ITFG1: variants seen among roughly 807,000 people sequenced by gnomAD.
ITFG1 encodes T-cell immunomodulatory protein.
Under a neutral mutation model 81.8 loss-of-function variants are expected in ITFG1, and 34 were observed. The ratio of observed to expected loss-of-function variants is 0.42; its 90% CI spans 0.32 to 0.55. The LOEUF is 0.55. Among genes scored for constraint, ITFG1 ranks in the 20% least tolerant of loss-of-function variants. The probability of loss-of-function intolerance (pLI) is 0.17; values close to 1 mark genes in which losing one functional copy is unlikely to be tolerated. For missense variants in ITFG1, 672 were observed against 755.4 expected (o/e 0.89, Z 1.29); for synonymous variants, 285 against 270.6 (o/e 1.05, Z -0.52).
At chr16:47,385,051 G>C (rs991421624) in intron 6 of ITFG1, among the ~76,000 whole-genome samples, 84 of 152,250 alleles carry the variant, frequency 5.5e-4, no homozygotes, top group African/African-American at 2.0e-3. Context: ...GGACGAATTT[G>C]AGGAGGGCTT....
chr16:47,349,288 C>A (rs1161560450), intron 8 of ITFG1, among the ~76,000 whole-genome samples: 3 of 152,104 alleles, frequency 2.0e-5, no homozygotes, highest in Non-Finnish European at 4.4e-5. Context: ...GAGTCAGACC[C>A]ATCAGTGTGC....
At chr16:47,439,907 C>T (rs1969222792) in intron 5 of ITFG1, among the ~76,000 whole-genome samples, 1 of 152,178 alleles carries the variant, frequency 6.6e-6, no homozygotes, top group African/African-American at 2.4e-5. Flanking sequence ...GATAAAGATT[C>T]AAGACCCATC....
intron 8 of ITFG1, among the ~76,000 whole-genome samples, chr16:47,327,662 A>G (rs1043360947): frequency 3.1e-4 from 47 of 152,346 alleles, no homozygotes; most frequent in Non-Finnish European, 5.3e-4. Context: ...AAAAGTGGGC[A>G]AAGGATATGA....
chr16:47,307,110 A>AC lies in ITFG1; in HGVS notation c.1070+4129_1070+4130insG, dbSNP rs1331195263. On this transcript the variant is annotated intron_variant, in intron 10 of 17. Coordinates refer to ENST00000320640, the MANE Select transcript of ITFG1 (RefSeq NM_030790.5). ...CTCCGTCTCAAAAAAAAAAAAAAAA[A>AC]AAAAAAAAAAAAACGGAGAAAGAAG... Among the ~76,000 whole-genome samples, 65 of 147,872 alleles carry AC rather than the reference A, an allele frequency of 4.4e-4. 1 individual carries two copies. The South Asian group carries it at 5.6e-3, about 13-fold the overall frequency.
intron 8 of ITFG1, among the ~76,000 whole-genome samples, chr16:47,348,179 T>C (rs1967888370): frequency 6.6e-6 from 1 of 152,058 alleles, no homozygotes; most frequent in Non-Finnish European, 1.5e-5. Flanking sequence ...GGAACGCAAC[T>C]CCTCACCAGC....
intron 7 of ITFG1, among the ~76,000 whole-genome samples, chr16:47,368,555 C>CAAAAAAAAAAAAAA (rs35965452): frequency 7.1e-4 from 24 of 33,574 alleles, no homozygotes; most frequent in African/African-American, 1.4e-3. Context: ...GACTCCATCT[C>CAAAAAAAAAAAAAA]AAAAAAAAAA....
intron 6 of ITFG1, among the ~76,000 whole-genome samples, chr16:47,417,761 C>CT (rs1400437585): frequency 6.6e-6 from 1 of 152,050 alleles, no homozygotes; most frequent in Non-Finnish European, 1.5e-5. Context: ...ATATGCCATA[C>CT]TTTTTCCATT....
intron 6 of ITFG1, chr16:47,396,257 T>A: frequency 3.0e-6 from 2 of 667,466 alleles, no homozygotes; most frequent in Non-Finnish European, 3.7e-6. Context: ...TGTTAGCTGT[T>A]GCTAAAATGT....
chr16:47,447,845 T>C (rs941231871), intron 5 of ITFG1, among the ~76,000 whole-genome samples: 5 of 152,200 alleles, frequency 3.3e-5, no homozygotes, highest in Non-Finnish European at 7.3e-5. Context: ...GTATCTCTAA[T>C]AGCACAGTTC....
chr16:47,354,475 T>A (rs1968011629), intron 8 of ITFG1, among the ~76,000 whole-genome samples: 1 of 152,128 alleles, frequency 6.6e-6, no homozygotes, highest in Admixed American at 6.6e-5. Context: ...GGGAAATACT[T>A]CATGACATTG....
At chr16:47,199,258 C>T (rs1965395129) in intron 14 of ITFG1, among the ~76,000 whole-genome samples, 1 of 92,254 alleles carries the variant, frequency 1.1e-5, no homozygotes, top group African/African-American at 4.3e-5. Flanking sequence ...CAAAGCGAGA[C>T]TCCAAAAAAA....
intron 10 of ITFG1, among the ~76,000 whole-genome samples, chr16:47,290,104 A>C (rs1443721947): frequency 6.6e-6 from 1 of 152,108 alleles, no homozygotes; most frequent in African/African-American, 2.4e-5. Flanking sequence ...CATACTGTTT[A>C]ATTTCCATAT....
At chr16:47,239,394 T>C (rs1965909321) in intron 12 of ITFG1, among the ~76,000 whole-genome samples, 1 of 151,746 alleles carries the variant, frequency 6.6e-6, no homozygotes, top group African/African-American at 2.4e-5. Flanking sequence ...AGAGACGGGG[T>C]TTCACCATGC....
In ITFG1 at chr16:47,241,182, C is replaced by T. The variant is rs113851195; in HGVS notation, c.1331-3174G>A. 2.0e-3 allele frequency among the ~76,000 whole-genome samples: 310 copies of T among 152,230 alleles called. 4 individuals carry two copies. The highest frequency in any genetic ancestry group is 7.1e-3 in the African/African-American group (295 of 41,540). Reference sequence around the variant, plus strand: ...GAAGATGTGAAGAAATTGGAACTCTCATACATTTCTGATGGAAATGTGGAA... The same window carrying T: ...GAAGATGTGAAGAAATTGGAACTCTTATACATTTCTGATGGAAATGTGGAA... On this transcript the variant is annotated intron_variant, in intron 12 of 17. Transcript: ENST00000320640.
intron 6 of ITFG1, among the ~76,000 whole-genome samples, chr16:47,420,067 C>T (rs943944038): frequency 2.6e-5 from 4 of 151,858 alleles, no homozygotes; most frequent in Non-Finnish European, 5.9e-5. Context: ...CAGGCACGAG[C>T]CACCATGCCC....
At chr16:47,175,389 TTAAA>T (rs1199552407) in intron 14 of ITFG1, among the ~76,000 whole-genome samples, 13 of 151,564 alleles carry the variant, frequency 8.6e-5, no homozygotes, top group East Asian at 5.8e-4. Flanking sequence ...TTAATTTTAA[TTAAA>T]TAAACAAGAA....
chr16:47,233,207 A>G (rs1965835872), intron 13 of ITFG1, among the ~76,000 whole-genome samples: 2 of 152,222 alleles, frequency 1.3e-5, no homozygotes, highest in Non-Finnish European at 2.9e-5. Flanking sequence ...AAAATCAACA[A>G]CTTTTCTTAG....
chr16:47,378,202 C>T (rs1192963367), intron 6 of ITFG1, among the ~76,000 whole-genome samples: 1 of 152,180 alleles, frequency 6.6e-6, no homozygotes, highest in African/African-American at 2.4e-5. Context: ...AAGGGGCAAG[C>T]ATGCTACTAC....
At chr16:47,402,684 A>G (rs188401266) in intron 6 of ITFG1, among the ~76,000 whole-genome samples, 11 of 152,190 alleles carry the variant, frequency 7.2e-5, no homozygotes, top group Non-Finnish European at 1.3e-4. Context: ...GCTTTTATAG[A>G]CTCGATTTGC....
Sources: allele counts gnomAD v4.1 joint callset (sites outside exome capture counted in the v4.1 genomes callset), GRCh38; gene constraint gnomAD v4.1.1; transcripts MANE v1.5; gene names NCBI Gene and HGNC (gene_info 2026-07-23, HGNC 2026-07-21).